The following N4BP2L2 variants were observed in gnomAD, a reference collection of about 807,000 sequenced individuals.
N4BP2L2 encodes NEDD4 binding protein 2 like 2, also known as NEDD4-binding protein 2-like 2.
Under a neutral mutation model 56.2 loss-of-function variants are expected in N4BP2L2, and 50 were observed. That is an observed-to-expected ratio of 0.89 (90% CI 0.71 to 1.13). The LOEUF (loss-of-function observed/expected upper bound fraction) is 1.13. Ranked by LOEUF, N4BP2L2 falls within the 50% of genes most tolerant of loss-of-function variation. N4BP2L2 has a pLI of 0.00. For missense variants in N4BP2L2, 689 were observed against 693.8 expected, an observed-to-expected ratio of 0.99 and a Z score of 0.08; for synonymous variants, 203 against 223.6, an observed-to-expected ratio of 0.91 and a Z score of 0.82.
intron 6 of N4BP2L2, among the ~76,000 whole-genome samples, chr13:32,487,731 AAT>A (rs1215523583): frequency 2.0e-5 from 3 of 152,166 alleles, no homozygotes; most frequent in Non-Finnish European, 4.4e-5. Flanking sequence ...ATATATAACG[AAT>A]ATCTTCCCCA....
At chr13:32,465,988 T>G (rs2081166081) in intron 6 of N4BP2L2, among the ~76,000 whole-genome samples, 1 of 152,160 alleles carries the variant, frequency 6.6e-6, no homozygotes, top group African/African-American at 2.4e-5. Context: ...TGTGAGACTG[T>G]TATATTTTTC....
exon 6 of N4BP2L2, chr13:32,517,512 A>G: frequency 9.0e-7 from 1 of 1,110,156 alleles, no homozygotes; most frequent in Non-Finnish European, 1.1e-6. Context: ...AAATTAGTTT[A>G]AAATTCGATT....
At position 32,517,390 on chromosome 13, in the gene N4BP2L2, C is replaced by G. The variant is rs549060064; in HGVS notation, c.*412G>C. 5.1e-4 allele frequency: 511 copies of G among 993,814 alleles called. 3 individuals are homozygous for G. In the African/African-American group the frequency reaches 8.6e-3, roughly 17 times the overall value. 61.6% of individuals were successfully genotyped at this position (993,814 alleles called of 1,614,324 possible). Reference sequence around the variant, plus strand: ...AAAACTAAGGTACCCTATACCAAGTCAGTATTTCTTGCATATTTAAGGTAG... The same window carrying G: ...AAAACTAAGGTACCCTATACCAAGTGAGTATTTCTTGCATATTTAAGGTAG... On this transcript the variant is annotated 3_prime_UTR_variant, in exon 6 of 6. Coordinates refer to ENST00000267068, the Ensembl canonical transcript of N4BP2L2.
At chr13:32,438,557 C>G (rs2075787413) in intron 8 of N4BP2L2, 1 of 949,424 alleles carries the variant, frequency 1.1e-6, no homozygotes, top group African/African-American at 1.6e-5. Context: ...CAAGATCACG[C>G]CATTGCACTC....
chr13:32,522,507 G>C, intron 3 of N4BP2L2: 1 of 298,342 alleles, frequency 3.4e-6, no homozygotes, highest in Non-Finnish European at 6.0e-6. Flanking sequence ...AACTGGCTCT[G>C]AAAGGCATTT....
chr13:32,501,224 C>T (rs757510037), intron 6 of N4BP2L2, among the ~76,000 whole-genome samples: 1 of 152,008 alleles, frequency 6.6e-6, no homozygotes, highest in Non-Finnish European at 1.5e-5. Flanking sequence ...ATGATGCTCC[C>T]ATTCTGAATG....
intron 6 of N4BP2L2, among the ~76,000 whole-genome samples, chr13:32,491,498 G>GT (rs1302675586): frequency 6.8e-6 from 1 of 148,016 alleles, no homozygotes; most frequent in Non-Finnish European, 1.5e-5. Flanking sequence ...ATAATCAACA[G>GT]TTTTTATAAT....
At chr13:32,515,413 C>T (rs1040008746) in exon 6 of N4BP2L2, 1 of 151,120 alleles carries the variant, frequency 6.6e-6, no homozygotes, top group Non-Finnish European at 1.5e-5. Flanking sequence ...CACACTCCAT[C>T]CAGCCCACGT....
intron 6 of N4BP2L2, among the ~76,000 whole-genome samples, chr13:32,504,127 A>G (rs2090513703): frequency 6.6e-6 from 1 of 152,218 alleles, no homozygotes; most frequent in Non-Finnish European, 1.5e-5. Context: ...TAAAACTTAA[A>G]AGAACCACTG....
chr13:32,454,393 C>T (rs2138552677), intron 6 of N4BP2L2, among the ~76,000 whole-genome samples: 1 of 151,906 alleles, frequency 6.6e-6, no homozygotes, highest in South Asian at 2.1e-4. Context: ...ACAACAGTTA[C>T]AACAAGGAGC....
intron 6 of N4BP2L2, among the ~76,000 whole-genome samples, chr13:32,471,627 A>C (rs1168464270): frequency 6.6e-6 from 1 of 152,234 alleles, no homozygotes; most frequent in African/African-American, 2.4e-5. Flanking sequence ...CTGTAAGGGA[A>C]AGCCTGCCTT....
chr13:32,467,934 G>A (rs1267296712), intron 6 of N4BP2L2, among the ~76,000 whole-genome samples: 1 of 151,982 alleles, frequency 6.6e-6, no homozygotes, highest in Non-Finnish European at 1.5e-5. Flanking sequence ...AGGTAGCAGT[G>A]AGGCGAGATT....
chr13:32,439,151 T>C (rs534845975), intron 7 of N4BP2L2, among the ~76,000 whole-genome samples: 1 of 152,370 alleles, frequency 6.6e-6, no homozygotes, highest in South Asian at 2.1e-4. Flanking sequence ...CACTTCCACA[T>C]GTAAGGCATT....
chr13:32,450,099 C>A (rs1044618502), intron 6 of N4BP2L2, among the ~76,000 whole-genome samples: 1 of 152,166 alleles, frequency 6.6e-6, no homozygotes, highest in Non-Finnish European at 1.5e-5. Context: ...AAAACACATT[C>A]TTTTCATGCT....
intron 6 of N4BP2L2, among the ~76,000 whole-genome samples, chr13:32,465,986 T>A (rs2081165526): frequency 6.6e-6 from 1 of 152,162 alleles, no homozygotes; most frequent in Non-Finnish European, 1.5e-5. Context: ...TATGTGAGAC[T>A]GTTATATTTT....
At chr13:32,531,879 C>T (rs1489647861) in intron 2 of N4BP2L2, among the ~76,000 whole-genome samples, 1 of 151,916 alleles carries the variant, frequency 6.6e-6, no homozygotes, top group Admixed American at 6.5e-5. Context: ...GGAGGCTCTA[C>T]AGAATATGTT....
exon 7 of N4BP2L2, chr13:32,442,812 A>G (rs2076566249): frequency 6.2e-7 from 1 of 1,613,856 alleles, no homozygotes; most frequent in Non-Finnish European, 8.5e-7. Context: ...GGCAATGAGA[A>G]TAACGCTGTC....
At chr13:32,513,698 T>C (rs1406465013) in exon 6 of N4BP2L2, 2 of 152,192 alleles carry the variant, frequency 1.3e-5, no homozygotes, top group Non-Finnish European at 2.9e-5. Flanking sequence ...TTATTTATTC[T>C]GAATCATAAG....
chr13:32,499,781 A>G (rs1417613756), intron 6 of N4BP2L2, among the ~76,000 whole-genome samples: 1 of 152,180 alleles, frequency 6.6e-6, no homozygotes, highest in Non-Finnish European at 1.5e-5. Flanking sequence ...GCCTTTGTTC[A>G]GGGCTGGGAA....
Sources: allele counts gnomAD v4.1 joint callset (sites outside exome capture counted in the v4.1 genomes callset), GRCh38; gene constraint gnomAD v4.1.1; transcripts MANE v1.5; gene names NCBI Gene and HGNC (gene_info 2026-07-23, HGNC 2026-07-21).